The following DLG5 variants were observed in gnomAD, a reference collection of about 807,000 sequenced individuals.
DLG5 encodes the protein disks large homolog 5.
A neutral mutation model predicts 189.8 loss-of-function variants in DLG5; 48 were observed. The ratio of observed to expected loss-of-function variants is 0.25; its 90% CI spans 0.20 to 0.32. The LOEUF (loss-of-function observed/expected upper bound fraction) is 0.32, where lower values mean the gene tolerates loss of function less well. Ranked by LOEUF, DLG5 falls within the 10% of genes least tolerant of loss-of-function variation. The pLI is 1.00. For synonymous variants in DLG5, 1,016 were observed against 1,054.1 expected, an observed-to-expected ratio of 0.96 and a Z score of 0.70; for missense variants, 2,160 against 2,544.7, an observed-to-expected ratio of 0.85 and a Z score of 3.25.
intron 1 of DLG5, among the ~76,000 whole-genome samples, chr10:77,910,061 C>A (rs1422339146): frequency 2.6e-5 from 4 of 152,188 alleles, no homozygotes; most frequent in African/African-American, 9.7e-5. Flanking sequence ...GACCCATTCC[C>A]CGACTCAGCA....
chr10:77,807,413 C>T (rs923461159), intron 25 of DLG5, among the ~76,000 whole-genome samples: 34 of 152,164 alleles, frequency 2.2e-4, no homozygotes, highest in African/African-American at 8.0e-4. Flanking sequence ...TCCCTAAATG[C>T]CCACAGCATT....
At chr10:77,875,254 G>A (rs896000341) in intron 1 of DLG5, among the ~76,000 whole-genome samples, 2 of 152,360 alleles carry the variant, frequency 1.3e-5, no homozygotes, top group East Asian at 3.9e-4. Context: ...CATGGAGGCA[G>A]GGGCCTGGAG....
intron 17 of DLG5, 43 bp from the exon 18 acceptor site, chr10:77,817,932 G>T: frequency 6.7e-7 from 1 of 1,488,598 alleles, no homozygotes. Flanking sequence ...GGAGAACCAG[G>T]AACAGATGTG....
In DLG5 at chr10:77,805,615, C is replaced by T. The variant is rs768618972; in HGVS notation, c.5164+50G>A. On this transcript the variant is annotated intron_variant, in intron 27 of 31. Coordinates refer to ENST00000372391, the MANE Select transcript of DLG5 (RefSeq NM_004747.4). ...CCCTGTTGTGGAGCTCCTGGATCCACAGCAAGCCCCATCTGGAGAGCCCAC... is the reference window on the plus strand; with the variant it reads ...CCCTGTTGTGGAGCTCCTGGATCCATAGCAAGCCCCATCTGGAGAGCCCAC... The T allele has an allele frequency of 7.9e-5, 123 of 1,554,768 alleles. 1 individual carries two copies. The highest frequency in any genetic ancestry group is 1.0e-4 in the Non-Finnish European group (118 of 1,145,072).
Position 77,817,878 on chromosome 10 carries a change from T to C in DLG5, c.3683A>G (p.Gln1228Arg). Residue 1228 changes from glutamine (Q) to arginine (R), a missense_variant, in exon 18 of 32, where the codon CAG becomes CGG. By Grantham distance (43) the Gln-to-Arg change is conservative. This residue lies in a region of DLG5 where 754 missense variants were observed against 746.5 expected (regional missense o/e 1.01). Coordinates refer to ENST00000372391, the MANE Select transcript of DLG5 (RefSeq NM_004747.4). ...PQGLHPSVQH[Q>R]GRLSLDLSHR... ...GCTCAGGTCCAGGCTCAGGCGTCCCTGGTGCTGGACACTGCGTAAAAACAA... is the reference window on the plus strand; with the variant it reads ...GCTCAGGTCCAGGCTCAGGCGTCCCCGGTGCTGGACACTGCGTAAAAACAA... 1 of 1,551,906 alleles carries C rather than the reference T, an allele frequency of 6.4e-7. No individual in the cohort carries two copies. The highest frequency in any genetic ancestry group is 8.7e-7 in the Non-Finnish European group (1 of 1,147,120).
chr10:77,833,860 G>A, intron 9 of DLG5, 54 bp downstream of exon 9: 2 of 1,591,302 alleles, frequency 1.3e-6, no homozygotes, highest in Non-Finnish European at 1.7e-6. Context: ...AAGGGAGAGG[G>A]GCCCCAGGCT....
In DLG5 at chr10:77,791,998, G is replaced by A. The variant is rs1840662449; in HGVS notation, c.*442C>T. On this transcript the variant is annotated 3_prime_UTR_variant, in exon 32 of 32. Transcript: ENST00000372391. ...ATTGAGGTTCCAAGGTCGTTTTGCT[G>A]AAGACGGGAACGAAACCAACACCAA... is the stretch of plus-strand genomic sequence containing the variant. 2.4e-5 allele frequency: 4 copies of A among 169,970 alleles called. No homozygotes were observed. The South Asian group carries it at 6.3e-4, about 27-fold the overall frequency. 10.5% of individuals were successfully genotyped at this position (169,970 alleles called of 1,614,324 possible). A position where few individuals can be genotyped will look rare whatever the true frequency, so the allele number is the denominator to read the frequency against.
chr10:77,852,701 G>A (rs767811546), intron 5 of DLG5, among the ~76,000 whole-genome samples: 12 of 152,234 alleles, frequency 7.9e-5, no homozygotes, highest in African/African-American at 2.6e-4. Flanking sequence ...GTGAGCCACC[G>A]CACCCAGCCT....
At position 77,856,823 on chromosome 10, in the gene DLG5, T is replaced by G; in HGVS notation, c.443A>C (p.Asn148Thr). 8 of 1,613,002 alleles carry G rather than the reference T, an allele frequency of 5.0e-6. No homozygotes were observed. The highest frequency in any genetic ancestry group is 5.9e-6 in the Non-Finnish European group (7 of 1,179,962). ...TDQQVNEKVENLSIQLRLMTR... is the reference protein window; with the variant it reads ...TDQQVNEKVETLSIQLRLMTR... ...CATCAGCCGCAGCTGAATGGAGAGG[T>G]TCTCCACCTTCTCATTCACTTGCTG... is the stretch of plus-strand genomic sequence containing the variant. The change falls in exon 3 of 32, where the codon AAC (asparagine) becomes ACC (threonine). Residue 148 changes from asparagine to threonine, a missense_variant. Asn to Thr is a moderately conservative substitution (Grantham distance 65). Transcript: ENST00000372391.
chr10:77,926,513 G>A lies in DLG5; in HGVS notation c.8C>T (p.Pro3Leu). The A allele has an allele frequency of 2.3e-6, 3 of 1,320,722 alleles. No homozygotes were observed. Among genetic ancestry groups the A allele is most frequent in the Non-Finnish European group, 1.9e-6 (2 of 1,034,596 alleles). The allele number at this position is 1,320,722 out of a possible 1,614,324, so 81.8% of individuals were successfully genotyped here. Residue 3 changes from proline to leucine, a missense_variant, in exon 1 of 32, where the codon CCC becomes CTC. This residue lies in a region of DLG5 where 664 missense variants were observed against 838.5 expected (regional missense o/e 0.79). Coordinates refer to ENST00000372391, the MANE Select transcript of DLG5 (RefSeq NM_004747.4). This position sits in a 1 kb window ranked among gnomAD's most constrained non-coding sequence, Gnocchi z 5.2. ME[P>L]QRRELLAQCQ... ...CTGGGCGAGCAGCTCCCGGCGCTGG[G>A]GCTCCATGGTGGCGGGCCGCGCCGC...
Position 77,817,891 on chromosome 10 carries a change from TG to T in DLG5, c.3672-3del. The T allele has an allele frequency of 6.4e-7, 1 of 1,550,990 alleles. No homozygotes were observed. Among genetic ancestry groups the T allele is most frequent in the Non-Finnish European group, 8.7e-7 (1 of 1,146,722 alleles). On this transcript the variant is annotated splice_polypyrimidine_tract_variant and splice_region_variant and intron_variant, in intron 17 of 31. Coordinates refer to ENST00000372391, the MANE Select transcript of DLG5 (RefSeq NM_004747.4). The stretch of plus-strand genomic sequence containing the variant: ...CTCAGGCGTCCCTGGTGCTGGACAC[TG>T]CGTAAAAACAAGAGGTGAGGAGTTC...
chr10:77,898,650 G>A (rs1347918232), intron 1 of DLG5, among the ~76,000 whole-genome samples: 1 of 152,224 alleles, frequency 6.6e-6, no homozygotes, highest in African/African-American at 2.4e-5. Flanking sequence ...CGAGTCACGC[G>A]GCTGGGCCCC....
At chr10:77,815,251 C>T (rs1344402892) in intron 20 of DLG5, among the ~76,000 whole-genome samples, 7 of 152,246 alleles carry the variant, frequency 4.6e-5, no homozygotes, top group East Asian at 3.8e-4. Flanking sequence ...GCATTTCTTC[C>T]GAGTTACACC....
chr10:77,924,112 G>A (rs553034912), intron 1 of DLG5, among the ~76,000 whole-genome samples: 22 of 152,216 alleles, frequency 1.4e-4, no homozygotes, highest in East Asian at 7.7e-4. Context: ...AGATCTGCCC[G>A]CCTCGGCCTC....
rs1287828490 is a variant in DLG5, at chr10:77,817,818, G to C, written c.3743C>G (p.Ala1248Gly). Residue 1248 changes from alanine (A) to glycine (G), a missense_variant, in exon 18 of 32, where the codon GCC becomes GGC. Physicochemically the swap from Ala to Gly is moderately conservative, Grantham distance 60. This residue lies in a region of DLG5 where 754 missense variants were observed against 746.5 expected (regional missense o/e 1.01). Transcript: ENST00000372391. Reference sequence around the variant, plus strand: ...GGGCAGTGAGTTGGACCCATGGGTGGCTCTCATCTCGGAGTAGTCGCTGCA... The same window carrying C: ...GGGCAGTGAGTTGGACCCATGGGTGCCTCTCATCTCGGAGTAGTCGCTGCA... ...RTCSDYSEMR[A>G]THGSNSLPSS... 3 of 1,555,928 alleles carry C rather than the reference G, an allele frequency of 1.9e-6. No homozygotes were observed. Among genetic ancestry groups the C allele is most frequent in the Non-Finnish European group, 2.6e-6 (3 of 1,149,090 alleles).
At position 77,880,962 on chromosome 10, in the gene DLG5, C is replaced by G. The variant is rs573143835; in HGVS notation, c.305-11765G>C. On this transcript the variant is annotated intron_variant, in intron 1 of 31. Transcript: ENST00000372391. ...GGACTCTCATCCACTAACCCTAGAC[C>G]TTTTTTTTTTTTTTTTTTTTTTTTT... is the stretch of plus-strand genomic sequence containing the variant. Among the ~76,000 whole-genome samples, 131 of 73,272 alleles carry G rather than the reference C, an allele frequency of 1.8e-3. 4 individuals carry two copies. Among genetic ancestry groups the G allele is most frequent in the Admixed American group, 2.5e-3 (12 of 4,782 alleles). 48.1% of individuals were successfully genotyped at this position (73,272 alleles called of 152,430 possible). A position where few individuals can be genotyped will look rare whatever the true frequency, so the allele number is the denominator to read the frequency against.
At chr10:77,795,543 G>T (rs1481377554) in intron 29 of DLG5, among the ~76,000 whole-genome samples, 1 of 152,106 alleles carries the variant, frequency 6.6e-6, no homozygotes, top group Non-Finnish European at 1.5e-5. Context: ...TGGAGCCCAA[G>T]GAGCGGCTGT....
intron 7 of DLG5, among the ~76,000 whole-genome samples, chr10:77,840,357 G>A (rs1843358774): frequency 6.6e-6 from 1 of 151,728 alleles, no homozygotes; most frequent in Non-Finnish European, 1.5e-5. Flanking sequence ...CCAGCCTGGG[G>A]AACAGAGAGG....
At chr10:77,856,227 C>A (rs1044600858) in intron 3 of DLG5, among the ~76,000 whole-genome samples, 4 of 152,004 alleles carry the variant, frequency 2.6e-5, no homozygotes, top group African/African-American at 9.7e-5. Context: ...TGGCACACAC[C>A]TATAGTCCCA....
Sources: allele counts gnomAD v4.1 joint callset (sites outside exome capture counted in the v4.1 genomes callset), GRCh38; gene constraint gnomAD v4.1.1; regional missense constraint gnomAD v4.1.1; non-coding constraint Gnocchi (gnomAD v3.1); transcripts MANE v1.5; gene names NCBI Gene and HGNC (gene_info 2026-07-23, HGNC 2026-07-21).